Variants in GRIA4 observed in about 807,000 individuals in gnomAD.
GRIA4 encodes the protein glutamate ionotropic receptor AMPA type subunit 4, also known as glutamate receptor 4.
Under a neutral mutation model 104.0 loss-of-function variants are expected in GRIA4, and 34 were observed. That is an observed-to-expected ratio of 0.33 (90% CI 0.25 to 0.44). The LOEUF is 0.44. GRIA4 is among the 20% of genes least tolerant of loss of function. GRIA4 has a pLI of 1.00. For missense variants in GRIA4, 750 were observed against 1,096.5 expected (o/e 0.68, Z 4.46); for synonymous variants, 386 against 381.9 (o/e 1.01, Z -0.13).
intron 4 of GRIA4, among the ~76,000 whole-genome samples, chr11:105,834,183 T>C (rs1036604135): frequency 3.3e-5 from 5 of 152,070 alleles, no homozygotes; most frequent in Admixed American, 2.0e-4. Context: ...GTTCTCTTTA[T>C]GTCTCCACAC....
intron 3 of GRIA4, among the ~76,000 whole-genome samples, chr11:105,666,258 T>C (rs551085006): frequency 6.6e-6 from 1 of 152,166 alleles, no homozygotes; most frequent in East Asian, 1.9e-4. Context: ...TATTATTCAC[T>C]AATCCTTTCA....
At chr11:105,940,479 C>T (rs1301705800) in intron 14 of GRIA4, among the ~76,000 whole-genome samples, 1 of 152,070 alleles carries the variant, frequency 6.6e-6, no homozygotes, top group Non-Finnish European at 1.5e-5. Context: ...TGCAGGCACA[C>T]AACACAGAGC....
intron 14 of GRIA4, among the ~76,000 whole-genome samples, chr11:105,960,640 A>G (rs537088912): frequency 1.3e-5 from 2 of 152,312 alleles, no homozygotes; most frequent in South Asian, 4.1e-4. Context: ...AGCAGGCAGC[A>G]GCAGCTGGTG....
At chr11:105,734,354 C>G (rs1938800867) in intron 3 of GRIA4, among the ~76,000 whole-genome samples, 2 of 152,030 alleles carry the variant, frequency 1.3e-5, no homozygotes, top group African/African-American at 4.8e-5. Flanking sequence ...ACTAAATATG[C>G]CTTGAGTCCA....
intron 3 of GRIA4, among the ~76,000 whole-genome samples, chr11:105,634,469 G>GAAAGAA (rs1284046377): frequency 8.5e-5 from 1 of 11,780 alleles, no homozygotes; most frequent in African/African-American, 1.9e-4. Flanking sequence ...GAAAGAAAGG[G>GAAAGAA]AAAGAAAGAA....
chr11:105,786,061 C>A (rs1941947241), intron 4 of GRIA4, among the ~76,000 whole-genome samples: 1 of 145,396 alleles, frequency 6.9e-6, no homozygotes, highest in Admixed American at 7.1e-5. Flanking sequence ...AGGGGAATCG[C>A]TTGACCCCGG....
chr11:105,611,940 C>T (rs1229048479), intron 2 of GRIA4, among the ~76,000 whole-genome samples: 1 of 152,176 alleles, frequency 6.6e-6, no homozygotes, highest in African/African-American at 2.4e-5. Context: ...CTTTTCCGCT[C>T]ATCTGCATGC....
chr11:105,678,608 TCTA>T (rs1186597055), intron 3 of GRIA4, among the ~76,000 whole-genome samples: 7 of 152,244 alleles, frequency 4.6e-5, no homozygotes, highest in Non-Finnish European at 1.0e-4. Context: ...AGGTTCTATG[TCTA>T]ACCTTCAAAA....
At chr11:105,842,299 A>G (rs1944424101) in intron 4 of GRIA4, among the ~76,000 whole-genome samples, 1 of 152,180 alleles carries the variant, frequency 6.6e-6, no homozygotes. Context: ...GGGACATGGA[A>G]AGCTATTGGA....
intron 13 of GRIA4, among the ~76,000 whole-genome samples, chr11:105,933,397 G>A (rs1460441469): frequency 6.6e-6 from 1 of 151,836 alleles, no homozygotes; most frequent in East Asian, 1.9e-4. Context: ...AAATGTTCAA[G>A]TCTCTTCATG....
intron 4 of GRIA4, among the ~76,000 whole-genome samples, chr11:105,828,503 G>A (rs553128839): frequency 1.3e-5 from 2 of 152,028 alleles, no homozygotes; most frequent in East Asian, 1.9e-4. Flanking sequence ...AGCTAATACA[G>A]GGTATTATCT....
At chr11:105,939,921 C>T (rs984395940) in intron 14 of GRIA4, among the ~76,000 whole-genome samples, 7 of 152,136 alleles carry the variant, frequency 4.6e-5, no homozygotes, top group Non-Finnish European at 8.8e-5. Context: ...GGAACCATTA[C>T]CTTCTTCTGA....
intron 3 of GRIA4, among the ~76,000 whole-genome samples, chr11:105,724,278 A>G (rs1338955584): frequency 6.6e-6 from 1 of 152,064 alleles, no homozygotes; most frequent in East Asian, 1.9e-4. Flanking sequence ...GACAGAATCA[A>G]TAACCTAAGT....
chr11:105,661,728 C>T (rs549556230), intron 3 of GRIA4, among the ~76,000 whole-genome samples: 1 of 151,554 alleles, frequency 6.6e-6, no homozygotes, highest in South Asian at 2.1e-4. Flanking sequence ...ATGGTAAATT[C>T]TTGGTATTTG....
chr11:105,824,534 A>G (rs545084529), intron 4 of GRIA4: 2 of 152,152 alleles, frequency 1.3e-5, no homozygotes, highest in Admixed American at 6.6e-5. Flanking sequence ...GCCTATTTAA[A>G]TATTATTTAT....
At chr11:105,897,622 T>C (rs1336220661) in intron 6 of GRIA4, among the ~76,000 whole-genome samples, 1 of 152,176 alleles carries the variant, frequency 6.6e-6, no homozygotes, top group Non-Finnish European at 1.5e-5. Context: ...TATGAAAGTA[T>C]GTTGCATTTT....
chr11:105,703,611 A>T (rs1953584843), intron 3 of GRIA4, among the ~76,000 whole-genome samples: 1 of 152,226 alleles, frequency 6.6e-6, no homozygotes, highest in African/African-American at 2.4e-5. Flanking sequence ...GACAGTAGTT[A>T]TTCCACAATG....
intron 5 of GRIA4, among the ~76,000 whole-genome samples, chr11:105,875,351 T>A (rs1945777005): frequency 6.6e-6 from 1 of 152,204 alleles, no homozygotes; most frequent in African/African-American, 2.4e-5. Context: ...TTGATGTTCA[T>A]CAGGGATATT....
intron 3 of GRIA4, among the ~76,000 whole-genome samples, chr11:105,705,160 T>C (rs557780397): frequency 1.3e-5 from 2 of 152,266 alleles, no homozygotes; most frequent in South Asian, 2.1e-4. Context: ...GGGGCATCAC[T>C]GGGCAAAGAG....
Sources: allele counts gnomAD v4.1 joint callset (sites outside exome capture counted in the v4.1 genomes callset), GRCh38; gene constraint gnomAD v4.1.1; transcripts MANE v1.5; gene names NCBI Gene and HGNC (gene_info 2026-07-23, HGNC 2026-07-21).